The following SYCP1 variants were observed in gnomAD, a reference collection of about 807,000 sequenced individuals.
The protein encoded by SYCP1 is synaptonemal complex protein 1.
Under a neutral mutation model 153.1 loss-of-function variants are expected in SYCP1, and 64 were observed. The observed-to-expected ratio is 0.42, with a 90% CI of 0.34 to 0.51. The LOEUF is 0.51. SYCP1 is among the 20% of genes least tolerant of loss of function. The pLI is 0.06. For synonymous variants in SYCP1, 384 were observed against 341.8 expected (o/e 1.12, Z -1.36); for missense variants, 997 against 1,049.0 (o/e 0.95, Z 0.68).
At chr1:114,868,037 T>A (rs1301711853) in intron 8 of SYCP1, among the ~76,000 whole-genome samples, 2 of 152,164 alleles carry the variant, frequency 1.3e-5, no homozygotes, top group African/African-American at 4.8e-5. Flanking sequence ...TAGCCTGTTA[T>A]GTGATGGATT....
At position 114,856,585 on chromosome 1, in the gene SYCP1, T is replaced by C; in HGVS notation, c.121T>C (p.Cys41Arg). 6.2e-7 allele frequency: 1 copy of C among 1,610,394 alleles called. No homozygotes were observed. The highest frequency in any genetic ancestry group is 8.5e-7 in the Non-Finnish European group (1 of 1,178,640). The change falls in exon 3 of 32, where the codon TGT becomes CGT. Residue 41 changes from cysteine to arginine, a missense_variant. By Grantham distance (180) the Cys-to-Arg change is radical. Around this residue, in one of 2 missense-constraint regions of SYCP1, gnomAD observed 285 missense variants for 366.1 expected, o/e 0.78. Coordinates refer to ENST00000369522, the MANE Select transcript of SYCP1 (RefSeq NM_003176.4). Reference sequence around the variant, plus strand: ...TTTGTGTCTCTAGAGTTTCAACAAATGTACTGAAGATGATTTTGAGTTTCC... The same window carrying C: ...TTTGTGTCTCTAGAGTTTCAACAAACGTACTGAAGATGATTTTGAGTTTCC... ...DSTFFKSFNK[C>R]TEDDFEFPFA...
At position 114,982,465 on chromosome 1, in the gene SYCP1, ATTC is replaced by A. The variant is rs1482244210; in HGVS notation, c.2559+961_2559+963del. Among the ~76,000 whole-genome samples the A allele has an allele frequency of 5.3e-5, 8 of 151,134 alleles. No homozygotes were observed. The East Asian group carries it at 1.6e-3, about 30-fold the overall frequency. ...AGTTGAATTATATTCAGGCTCATGGATTCTTCTTCTGCTTGCCCAAATCTGCTA... is the reference window on the plus strand; with the variant it reads ...AGTTGAATTATATTCAGGCTCATGGATTCTTCTGCTTGCCCAAATCTGCTA... On this transcript the variant is annotated intron_variant, in intron 29 of 31. Transcript: ENST00000369522.
Position 114,946,371 on chromosome 1 carries a change from G to C in SYCP1, c.2237G>C (p.Arg746Thr). 4 of 1,584,116 alleles carry C rather than the reference G, an allele frequency of 2.5e-6. No individual in the cohort carries two copies. Among genetic ancestry groups the C allele is most frequent in the Non-Finnish European group, 3.4e-6 (4 of 1,168,108 alleles). ...KSKEQEQSSL[R>T]ASLEIELSNL... ...AAAGAACAAGAACAGTCATCACTGA[G>C]AGCATCTTTGGTGAGATACAGAAAA... The change falls in exon 26 of 32, where the codon AGA (arginine) becomes ACA (threonine). Residue 746 changes from arginine to threonine, a missense_variant. Arg to Thr is a moderately conservative substitution (Grantham distance 71, BLOSUM62 -1). This residue lies in a region of SYCP1 where 712 missense variants were observed against 682.9 expected (regional missense o/e 1.04). Transcript: ENST00000369522.
chr1:114,954,407 C>G (rs923733318), intron 27 of SYCP1, among the ~76,000 whole-genome samples: 2 of 151,810 alleles, frequency 1.3e-5, no homozygotes, highest in Non-Finnish European at 2.9e-5. Flanking sequence ...ATTAGCTCTA[C>G]AATGCTTATT....
chr1:114,863,959 C>G (rs1364677473), intron 8 of SYCP1, among the ~76,000 whole-genome samples: 1 of 149,828 alleles, frequency 6.7e-6, no homozygotes, highest in Non-Finnish European at 1.5e-5. Flanking sequence ...ACATCACACA[C>G]CCGGGCCTGT....
At chr1:114,966,516 C>T (rs776307631) in intron 27 of SYCP1, among the ~76,000 whole-genome samples, 6 of 152,064 alleles carry the variant, frequency 3.9e-5, no homozygotes, top group Non-Finnish European at 4.4e-5. Context: ...ACTGCTTTAG[C>T]TGTGTCCCAG....
intron 28 of SYCP1, among the ~76,000 whole-genome samples, chr1:114,979,418 A>G (rs1673007925): frequency 1.3e-5 from 2 of 151,754 alleles, no homozygotes; most frequent in African/African-American, 4.8e-5. Flanking sequence ...CTGGAAAGGG[A>G]TAGTTCAGTA....
chr1:114,869,449 G>C (rs2101394301), intron 8 of SYCP1, among the ~76,000 whole-genome samples: 2 of 152,262 alleles, frequency 1.3e-5, no homozygotes, highest in Middle Eastern at 6.8e-3. Context: ...TTATGGCCCA[G>C]AATATGGTCT....
At chr1:114,914,381 CTAGAG>C (rs1402390392) in intron 20 of SYCP1, among the ~76,000 whole-genome samples, 2 of 151,266 alleles carry the variant, frequency 1.3e-5, no homozygotes, top group Non-Finnish European at 2.9e-5. Context: ...TATTATAATA[CTAGAG>C]TATTTATACC....
chr1:114,962,181 C>T (rs527961816), intron 27 of SYCP1, among the ~76,000 whole-genome samples: 3 of 152,078 alleles, frequency 2.0e-5, no homozygotes, highest in South Asian at 2.1e-4. Context: ...GACAGGGTTT[C>T]GCTGTGTTGG....
At chr1:114,966,156 G>A (rs1672113708) in intron 27 of SYCP1, among the ~76,000 whole-genome samples, 1 of 152,014 alleles carries the variant, frequency 6.6e-6, no homozygotes, top group Non-Finnish European at 1.5e-5. Flanking sequence ...ATTCTCTGAT[G>A]GTAGTTTCTG....
intron 16 of SYCP1, among the ~76,000 whole-genome samples, chr1:114,905,746 A>ATTT (rs945008287): frequency 1.3e-5 from 2 of 151,966 alleles, no homozygotes; most frequent in Non-Finnish European, 2.9e-5. Context: ...TATGGATTTA[A>ATTT]TTTTTTTTAT....
At chr1:114,971,553 A>G (rs182130810) in intron 27 of SYCP1, among the ~76,000 whole-genome samples, 104 of 152,290 alleles carry the variant, frequency 6.8e-4, no homozygotes, top group Admixed American at 2.4e-3. Flanking sequence ...GCCATTCAGT[A>G]TGATACTAGC....
At chr1:114,943,565 G>A (rs1329281055) in intron 23 of SYCP1, among the ~76,000 whole-genome samples, 1 of 151,834 alleles carries the variant, frequency 6.6e-6, no homozygotes, top group Non-Finnish European at 1.5e-5. Flanking sequence ...ATTATGCAAT[G>A]AATCTATAAA....
In SYCP1 at chr1:114,947,275, A is replaced by C. The variant is rs1670771092; in HGVS notation, c.2277A>C (p.Glu759Asp). The change falls in exon 27 of 32, where the codon GAA becomes GAC. Residue 759 changes from glutamate to aspartate, a missense_variant. This residue lies in a region of SYCP1 where 712 missense variants were observed against 682.9 expected (regional missense o/e 1.04). Coordinates refer to ENST00000369522, the MANE Select transcript of SYCP1 (RefSeq NM_003176.4). ...LEIELSNLKA[E>D]LLSVKKQLEI... ...TTGAACTATCCAATCTCAAAGCTGA[A>C]CTTTTGTCTGTTAAGAAGCAACTTG... is the stretch of plus-strand genomic sequence containing the variant. The C allele has an allele frequency of 6.2e-7, 1 of 1,613,042 alleles. No homozygotes were observed. The highest frequency in any genetic ancestry group is 8.5e-7 in the Non-Finnish European group (1 of 1,179,602).
chr1:114,912,871 C>T (rs41274138), intron 18 of SYCP1, among the ~76,000 whole-genome samples, 162 bp from the exon 19 acceptor site: 9,249 of 151,916 alleles, frequency 0.061, 320 homozygotes, highest in Middle Eastern at 0.14. Flanking sequence ...TAATGATCAA[C>T]CTATCACCCA....
At chr1:114,923,256 T>G (rs1669018900) in intron 20 of SYCP1, among the ~76,000 whole-genome samples, 193 bp from the exon 21 acceptor site, 1 of 152,214 alleles carries the variant, frequency 6.6e-6, no homozygotes, top group Admixed American at 6.5e-5. Context: ...TTCTGTTTAA[T>G]CCATTAGTAG....
chr1:114,918,408 T>G (rs1668649480), intron 20 of SYCP1, among the ~76,000 whole-genome samples: 1 of 152,174 alleles, frequency 6.6e-6, no homozygotes, highest in African/African-American at 2.4e-5. Context: ...TAGTACATTT[T>G]GAAATCAGGT....
chr1:114,885,809 A>G (rs1055101757), intron 13 of SYCP1, among the ~76,000 whole-genome samples, 180 bp downstream of exon 13: 17 of 152,336 alleles, frequency 1.1e-4, no homozygotes, highest in African/African-American at 3.8e-4. Flanking sequence ...CATCAAAAGT[A>G]TAATTAAAAT....
Sources: allele counts gnomAD v4.1 joint callset (sites outside exome capture counted in the v4.1 genomes callset), GRCh38; gene constraint gnomAD v4.1.1; regional missense constraint gnomAD v4.1.1; transcripts MANE v1.5; gene names NCBI Gene and HGNC (gene_info 2026-07-23, HGNC 2026-07-21).